COL6A3: variants seen among roughly 807,000 people sequenced by gnomAD.
COL6A3 encodes collagen type VI alpha 3 chain.
In COL6A3, 137 loss-of-function variants were observed where a neutral mutation model predicts 274.1. That is an observed-to-expected ratio of 0.50 (90% CI 0.44 to 0.58). COL6A3 has a LOEUF of 0.58. COL6A3 is among the 20% of genes least tolerant of loss of function. The pLI is 0.00. For synonymous variants in COL6A3, 1,650 were observed against 1,650.6 expected (o/e 1.00, Z 0.01); for missense variants, 3,950 against 4,124.9 (o/e 0.96, Z 1.16).
chr2:237,340,640 A>T lies in COL6A3; in HGVS notation c.8276T>A (p.Ile2759Asn). The change falls in exon 38 of 44, where the codon ATC (isoleucine) becomes AAC (asparagine). Residue 2759 changes from isoleucine to asparagine, a missense_variant. Around this residue, in one of 5 missense-constraint regions of COL6A3, gnomAD observed 1,284 missense variants for 1,349.7 expected, o/e 0.95. Coordinates refer to ENST00000295550, the MANE Select transcript of COL6A3 (RefSeq NM_004369.4). The part of the protein sequence containing the change: ...EQQLEEAQRV[I>N]LQAKCKGYFF... ...GTAGCCCTTGCATTTGGCCTGCAGG[A>T]TGACTCTCTGGGCCTCCTCCAGCTG... 6.2e-7 allele frequency: 1 copy of T among 1,614,176 alleles called. No homozygotes were observed.
Position 237,378,679 on chromosome 2 carries a change from T to G in COL6A3, c.2454A>C (p.Thr818=). Residue 818 remains threonine, a synonymous_variant, in exon 6 of 44, where the codon ACA becomes ACC. Coordinates refer to ENST00000295550, the MANE Select transcript of COL6A3 (RefSeq NM_004369.4). ...LPQQLIQPLT[T]YVSGGVEEVP... is the part of the protein sequence containing the mutation. The stretch of plus-strand genomic sequence containing the variant: ...CTTCCTCCACACCTCCACTAACATA[T>G]GTGGTTAGGGGCTGAATCAGCTGCT... 1 of 1,613,426 alleles carries G rather than the reference T, an allele frequency of 6.2e-7. No homozygotes were observed. Among genetic ancestry groups the G allele is most frequent in the Non-Finnish European group, 8.5e-7 (1 of 1,180,012 alleles).
In COL6A3 at chr2:237,363,286, C is replaced by G; in HGVS notation, c.6030G>C (p.Leu2010Phe). The G allele has an allele frequency of 6.2e-7, 1 of 1,614,108 alleles. No individual in the cohort carries two copies. Among genetic ancestry groups the G allele is most frequent in the Non-Finnish European group, 8.5e-7 (1 of 1,180,040 alleles). Reference protein sequence around the residue: ...FMYDRPLRLNLLDLDYELAEQ... With the variant: ...FMYDRPLRLNFLDLDYELAEQ... Reference sequence around the variant, plus strand: ...CCGCTAGTTCATAATCCAAGTCCAGCAAGTTAAGCCTCAGGGGCCTGTCAT... The same window carrying G: ...CCGCTAGTTCATAATCCAAGTCCAGGAAGTTAAGCCTCAGGGGCCTGTCAT... The change falls in exon 14 of 44, where the codon TTG becomes TTC. Residue 2010 changes from leucine (L) to phenylalanine (F), a missense_variant. By Grantham distance (22) the Leu-to-Phe change is conservative. Around this residue, in one of 5 missense-constraint regions of COL6A3, gnomAD observed 632 missense variants for 623.4 expected, o/e 1.01. Transcript: ENST00000295550.
chr2:237,380,500 C>T (rs1361091053), intron 5 of COL6A3, among the ~76,000 whole-genome samples: 1 of 152,174 alleles, frequency 6.6e-6, no homozygotes, highest in Non-Finnish European at 1.5e-5. Context: ...CTAAACAGCT[C>T]AGACTGGGGC....
rs1220526606 is a variant in COL6A3, at chr2:237,366,876, C to T, written c.5311G>A (p.Val1771Ile). The T allele has an allele frequency of 3.1e-6, 5 of 1,614,256 alleles. No homozygotes were observed. Among genetic ancestry groups the T allele is most frequent in the Middle Eastern group, 1.6e-4 (1 of 6,062 alleles). Reference protein sequence around the residue: ...DVSLALTQRGVKVFAVGVRNI... With the variant: ...DVSLALTQRGIKVFAVGVRNI... ...CTCACTCCAACAGCAAACACTTTGACCCCCCTCTGGGTGAGGGCCAGGCTC... is the reference window on the plus strand; with the variant it reads ...CTCACTCCAACAGCAAACACTTTGATCCCCCTCTGGGTGAGGGCCAGGCTC... The change falls in exon 11 of 44, where the codon GTC becomes ATC. Residue 1771 changes from valine to isoleucine, a missense_variant. Coordinates refer to ENST00000295550, the MANE Select transcript of COL6A3 (RefSeq NM_004369.4).
chr2:237,367,098 A>G lies in COL6A3; in HGVS notation c.5089T>C (p.Ser1697Pro). 1 of 1,614,230 alleles carries G rather than the reference A, an allele frequency of 6.2e-7. No homozygotes were observed. Residue 1697 changes from serine to proline, a missense_variant, in exon 11 of 44, where the codon TCT becomes CCT. Coordinates refer to ENST00000295550, the MANE Select transcript of COL6A3 (RefSeq NM_004369.4). ...GCGTCAATAATCTGCCTCTTGGTAG[A>G]GAAGTCCTTCAGGAAGAATTCGTCA... ...PTDEFFLKDF[S>P]TKRQIIDAIN... is the part of the protein sequence containing the mutation.
Position 237,361,184 on chromosome 2 carries a change from A to T in COL6A3, c.6157-10T>A. 6.2e-7 allele frequency: 1 copy of T among 1,613,462 alleles called. No homozygotes were observed. ...CTTCTCCAGGAATACCCTGAAACAA[A>T]GTAATCGGGTCCTCTGTTTAATCCC... On this transcript the variant is annotated splice_polypyrimidine_tract_variant and intron_variant, in intron 15 of 43. Transcript: ENST00000295550. The surrounding 1 kb of genome is among the most constrained non-coding windows in gnomAD (Gnocchi z 5.1).
At position 237,348,375 on chromosome 2, in the gene COL6A3, C is replaced by T. The variant is rs769640641; in HGVS notation, c.6940G>A (p.Gly2314Arg). The change falls in exon 30 of 44, where the codon GGA becomes AGA. Residue 2314 changes from glycine (G) to arginine (R), a missense_variant. Coordinates refer to ENST00000295550, the MANE Select transcript of COL6A3 (RefSeq NM_004369.4). ...TTTGGTCCTGGGTATCCAGGGAATCCTCTTTCTCCCTATAAAGGAAAAATA... is the reference window on the plus strand; with the variant it reads ...TTTGGTCCTGGGTATCCAGGGAATCTTCTTTCTCCCTATAAAGGAAAAATA... ...EGRRGKKGER[G>R]FPGYPGPKGN... 1 of 1,602,926 alleles carries T rather than the reference C, an allele frequency of 6.2e-7. No individual in the cohort carries two copies.
intron 7 of COL6A3, 145 bp from the exon 8 acceptor site, chr2:237,375,165 G>C: frequency 7.9e-7 from 1 of 1,258,626 alleles, no homozygotes; most frequent in East Asian, 2.5e-5. Flanking sequence ...TGTGATTCAG[G>C]TAAGGATTTG....
intron 2 of COL6A3, among the ~76,000 whole-genome samples, chr2:237,396,041 T>C (rs2078432548): frequency 6.6e-6 from 1 of 152,146 alleles, no homozygotes; most frequent in Non-Finnish European, 1.5e-5. Context: ...TCCATTGAAG[T>C]GACACTAGAC....
At chr2:237,343,980 AG>A (rs1442716498) in intron 36 of COL6A3, 2 of 369,958 alleles carry the variant, frequency 5.4e-6, no homozygotes, top group East Asian at 6.9e-5. Flanking sequence ...GAGTGTGCAC[AG>A]GGGGCCATCT....
chr2:237,353,324 C>T lies in COL6A3; in HGVS notation c.6690+17G>A, dbSNP rs776129850. ...TGAAATATCAGAGGGCACACAGTCA[C>T]ACACGGAAGCACTCACCTGTGCACC... On this transcript the variant is annotated intron_variant, in intron 25 of 43. Coordinates refer to ENST00000295550, the MANE Select transcript of COL6A3 (RefSeq NM_004369.4). 6.2e-7 allele frequency: 1 copy of T among 1,613,062 alleles called. No individual in the cohort carries two copies. The highest frequency in any genetic ancestry group is 1.1e-5 in the South Asian group (1 of 91,020).
In COL6A3 at chr2:237,361,743, G is replaced by A. The variant is rs771131277; in HGVS notation, c.6152C>T (p.Pro2051Leu). 1 of 1,614,058 alleles carries A rather than the reference G, an allele frequency of 6.2e-7. No individual in the cohort carries two copies. The highest frequency in any genetic ancestry group is 8.5e-7 in the Non-Finnish European group (1 of 1,179,926). The change falls in exon 15 of 44, where the codon CCA becomes CTA. Residue 2051 changes from proline to leucine, a missense_variant. This residue lies in a region of COL6A3 where 92 missense variants were observed against 143.4 expected (regional missense o/e 0.64). Transcript: ENST00000295550. This position sits in a 1 kb window ranked among gnomAD's most constrained non-coding sequence, Gnocchi z 5.1. Reference protein sequence around the residue: ...GDRGPIGSIGPKGIPGEDGYR... With the variant: ...GDRGPIGSIGLKGIPGEDGYR... ...GCAAGGGTAAAGCCACCGTACCTTT[G>A]GCCCGATGCTGCCGATGGGCCCGCG... is the stretch of plus-strand genomic sequence containing the variant.
In COL6A3 at chr2:237,387,677, C is replaced by A. The variant is rs753651742; in HGVS notation, c.1217G>T (p.Arg406Leu). The change falls in exon 4 of 44, where the codon CGT becomes CTT. Residue 406 changes from arginine (R) to leucine (L), a missense_variant. Transcript: ENST00000295550. Reference protein sequence around the residue: ...DNLVFTVPEFRSFGDLQEKLL... With the variant: ...DNLVFTVPEFLSFGDLQEKLL... Reference sequence around the variant, plus strand: ...TTTCTCCTGGAGGTCCCCAAAGCTACGGAATTCCGGGACAGTAAACACCAA... The same window carrying A: ...TTTCTCCTGGAGGTCCCCAAAGCTAAGGAATTCCGGGACAGTAAACACCAA... 6.2e-7 allele frequency: 1 copy of A among 1,613,904 alleles called. No individual in the cohort carries two copies.
In COL6A3 at chr2:237,340,394, T is replaced by C. The variant is rs2076960028; in HGVS notation, c.8464+58A>G. On this transcript the variant is annotated intron_variant, in intron 38 of 43. Coordinates refer to ENST00000295550, the MANE Select transcript of COL6A3 (RefSeq NM_004369.4). Reference sequence around the variant, plus strand: ...TCTTTTCCATGACTGTTCCTACACTTCTCCTGGCCCGAGCATAAAGCCAGG... The same window carrying C: ...TCTTTTCCATGACTGTTCCTACACTCCTCCTGGCCCGAGCATAAAGCCAGG... 6 of 1,513,772 alleles carry C rather than the reference T, an allele frequency of 4.0e-6. No homozygotes were observed. The South Asian group carries it at 6.8e-5, about 17-fold the overall frequency. The allele number at this position is 1,513,772 out of a possible 1,614,324, so 93.8% of individuals were successfully genotyped here. A position where few individuals can be genotyped will look rare whatever the true frequency, so the allele number is the denominator to read the frequency against.
At position 237,388,017 on chromosome 2, in the gene COL6A3, T is replaced by C. The variant is rs752046618; in HGVS notation, c.877A>G (p.Met293Val). The C allele has an allele frequency of 5.0e-6, 8 of 1,614,196 alleles. 1 individual carries two copies. In the South Asian group the frequency reaches 6.6e-5, roughly 13 times the overall value. ...VVQFSDEPRTMFSLDTYSTKA... is the reference protein window; with the variant it reads ...VVQFSDEPRTVFSLDTYSTKA... ...GTGGAGTAGGTGTCCAAGGAGAACA[T>C]GGTTCTGGGCTCATCGCTAAACTGG... Residue 293 changes from methionine (M) to valine (V), a missense_variant, in exon 4 of 44, where the codon ATG becomes GTG. Physicochemically the swap from Met to Val is conservative, Grantham distance 21. Transcript: ENST00000295550.
In COL6A3 at chr2:237,359,436, G is replaced by T. The variant is rs768136506; in HGVS notation, c.6283-48C>A. The T allele has an allele frequency of 1.9e-5, 30 of 1,608,958 alleles. No homozygotes were observed. In the South Asian group the frequency reaches 2.7e-4, roughly 15 times the overall value. On this transcript the variant is annotated intron_variant, in intron 17 of 43. Coordinates refer to ENST00000295550, the MANE Select transcript of COL6A3 (RefSeq NM_004369.4). Reference sequence around the variant, plus strand: ...AAGCATTAGCTTTTCCTGCAGGGCTGGTCCCTCGGGCAGAAGAGGCCAAGG... The same window carrying T: ...AAGCATTAGCTTTTCCTGCAGGGCTTGTCCCTCGGGCAGAAGAGGCCAAGG...
chr2:237,348,574 G>GATAATCCT, intron 29 of COL6A3, 39 bp downstream of exon 29: 1 of 1,600,434 alleles, frequency 6.2e-7, no homozygotes, highest in Middle Eastern at 1.7e-4. Context: ...GAGCCTCCTG[G>GATAATCCT]CAGCAAGGAC....
At chr2:237,352,062 CA>C (rs1193232100) in intron 26 of COL6A3, among the ~76,000 whole-genome samples, 3 of 152,214 alleles carry the variant, frequency 2.0e-5, no homozygotes, top group Non-Finnish European at 2.9e-5. Context: ...AGCTGCTTTG[CA>C]AGATAACATC....
At chr2:237,406,660 AAT>A (rs771463117) in intron 1 of COL6A3, among the ~76,000 whole-genome samples, 7 of 152,122 alleles carry the variant, frequency 4.6e-5, no homozygotes, top group Non-Finnish European at 8.8e-5. Flanking sequence ...TTTTTGCACG[AAT>A]CCTGGGAAAG....
Sources: allele counts gnomAD v4.1 joint callset (sites outside exome capture counted in the v4.1 genomes callset), GRCh38; gene constraint gnomAD v4.1.1; regional missense constraint gnomAD v4.1.1; non-coding constraint Gnocchi (gnomAD v3.1); transcripts MANE v1.5; gene names NCBI Gene and HGNC (gene_info 2026-07-23, HGNC 2026-07-21).